Variants in CDH23 observed in about 807,000 individuals in gnomAD.
CDH23 encodes the protein cadherin-23.
A neutral mutation model predicts 317.1 loss-of-function variants in CDH23; 189 were observed. That is an observed-to-expected ratio of 0.60 (90% CI 0.53 to 0.67). The LOEUF (loss-of-function observed/expected upper bound fraction) is 0.67, where lower values mean the gene tolerates loss of function less well. Among genes scored for constraint, CDH23 ranks in the 30% least tolerant of loss-of-function variants. CDH23 has a pLI of 0.00. For missense variants in CDH23, 4,401 were observed against 4,592.4 expected (o/e 0.96, Z 1.20); for synonymous variants, 1,839 against 1,876.8 (o/e 0.98, Z 0.52).
At chr10:71,732,488 C>A in intron 32 of CDH23, 113 bp downstream of exon 32, 1 of 1,454,048 alleles carries the variant, frequency 6.9e-7, no homozygotes, top group Non-Finnish European at 9.3e-7. Context: ...TTGAGATGGC[C>A]AAGTGTGGTG....
At chr10:71,761,401 C>G (rs918109854) in intron 38 of CDH23, among the ~76,000 whole-genome samples, 1 of 152,178 alleles carries the variant, frequency 6.6e-6, no homozygotes, top group African/African-American at 2.4e-5. Context: ...GTACACCCTC[C>G]CTCTCCATCA....
chr10:71,730,975 G>A (rs965384384), intron 31 of CDH23, among the ~76,000 whole-genome samples: 3 of 152,344 alleles, frequency 2.0e-5, no homozygotes, highest in South Asian at 4.1e-4. Flanking sequence ...TGCTCCTCCA[G>A]CCCCTCCACG....
intron 46 of CDH23, chr10:71,790,825 G>A (rs1841231710): frequency 4.0e-6 from 2 of 496,816 alleles, no homozygotes; most frequent in Admixed American, 3.3e-5. Context: ...GTGCCGACAG[G>A]AAAGCACATC....
chr10:71,426,012 C>T (rs1050896660), intron 1 of CDH23, among the ~76,000 whole-genome samples: 4 of 152,110 alleles, frequency 2.6e-5, no homozygotes, highest in African/African-American at 7.2e-5. Flanking sequence ...ACTTGTGAAC[C>T]TTTCTATTGA....
At chr10:71,664,079 A>C (rs550292609) in intron 14 of CDH23, among the ~76,000 whole-genome samples, 2 of 151,872 alleles carry the variant, frequency 1.3e-5, no homozygotes, top group African/African-American at 4.8e-5. Flanking sequence ...GCACTCAGCA[A>C]GGGAATGACC....
chr10:71,423,284 G>C lies in CDH23; in HGVS notation c.-5-16543G>C, dbSNP rs529691054. 8.1e-4 allele frequency among the ~76,000 whole-genome samples: 124 copies of C among 152,340 alleles called. 1 individual carries two copies. Among genetic ancestry groups the C allele is most frequent in the African/African-American group, 2.8e-3 (118 of 41,566 alleles). The stretch of plus-strand genomic sequence containing the variant: ...CAGCCTAGCTGGTAAAATCAGAGGA[G>C]ACTCCAAAGGAGGTGATGGCCAAGC... On this transcript the variant is annotated intron_variant, in intron 1 of 69. Transcript: ENST00000224721.
intron 9 of CDH23, among the ~76,000 whole-genome samples, chr10:71,605,418 A>T (rs565903258): frequency 3.3e-5 from 5 of 152,220 alleles, no homozygotes; most frequent in African/African-American, 1.2e-4. Flanking sequence ...TGCTACCAGC[A>T]TCTAGTGGGT....
chr10:71,550,559 CA>C lies in CDH23; in HGVS notation c.430-16165del, dbSNP rs1222399834. 9.0e-3 allele frequency among the ~76,000 whole-genome samples: 411 copies of C among 45,748 alleles called. 7 individuals are homozygous for C. The highest frequency in any genetic ancestry group is 0.03 in the African/African-American group (331 of 10,858). The allele number at this position is 45,748 out of a possible 152,430, so 30.0% of individuals were successfully genotyped here. On this transcript the variant is annotated intron_variant, in intron 6 of 69. Coordinates refer to ENST00000224721, the MANE Select transcript of CDH23 (RefSeq NM_022124.6). ...TGGGCAACAGAGTGAGACCCTGTCT[CA>C]AAAAAAAAAAAAAAAAAGAAAAAAG...
chr10:71,570,680 G>C, intron 7 of CDH23, 110 bp from the exon 8 acceptor site: 1 of 1,280,582 alleles, frequency 7.8e-7, no homozygotes, highest in Non-Finnish European at 1.1e-6. Flanking sequence ...GTGTGCATGT[G>C]TTTGCACTTA....
intron 3 of CDH23, among the ~76,000 whole-genome samples, chr10:71,481,289 C>G (rs1028959979): frequency 6.6e-6 from 1 of 152,242 alleles, no homozygotes; most frequent in Middle Eastern, 3.4e-3. Context: ...CCAGAGGGTG[C>G]AGAGCAGCCA....
chr10:71,766,458 C>T (rs1484473364), intron 38 of CDH23, among the ~76,000 whole-genome samples: 1 of 152,154 alleles, frequency 6.6e-6, no homozygotes, highest in East Asian at 1.9e-4. Flanking sequence ...GTAAAACTCT[C>T]GCTTGGATTG....
At position 71,508,823 on chromosome 10, in the gene CDH23, T is replaced by TA. The variant is rs369304163; in HGVS notation, c.146-1258dup. Among the ~76,000 whole-genome samples, 526 of 152,348 alleles carry TA rather than the reference T, an allele frequency of 3.5e-3. 2 individuals are homozygous for TA. The highest frequency in any genetic ancestry group is 0.012 in the African/African-American group (514 of 41,590). On this transcript the variant is annotated intron_variant, in intron 3 of 69. Coordinates refer to ENST00000224721, the MANE Select transcript of CDH23 (RefSeq NM_022124.6). The stretch of plus-strand genomic sequence containing the variant: ...TTCGGAAAATGACGCGCTGTACACT[T>TA]ATCACATTTTGTATACAGTTCTAGT...
At chr10:71,598,142 GC>G (rs1470405238) in intron 9 of CDH23, among the ~76,000 whole-genome samples, 1 of 152,224 alleles carries the variant, frequency 6.6e-6, no homozygotes, top group Non-Finnish European at 1.5e-5. Context: ...TCCGACGGGA[GC>G]CTGTAGGCTG....
intron 1 of CDH23, among the ~76,000 whole-genome samples, chr10:71,434,849 G>A (rs929373097): frequency 1.3e-5 from 2 of 152,164 alleles, no homozygotes; most frequent in Admixed American, 6.5e-5. Context: ...GGAGCAATGC[G>A]TGTGAGATGC....
intron 6 of CDH23, among the ~76,000 whole-genome samples, chr10:71,516,348 C>T (rs1467853057): frequency 6.6e-6 from 1 of 152,084 alleles, no homozygotes; most frequent in Non-Finnish European, 1.5e-5. Flanking sequence ...GGTGGAGGGT[C>T]CTTGCCTGAG....
At chr10:71,416,733 T>A (rs1169753319) in intron 1 of CDH23, among the ~76,000 whole-genome samples, 1 of 152,076 alleles carries the variant, frequency 6.6e-6, no homozygotes, top group Non-Finnish European at 1.5e-5. Flanking sequence ...AGTGGTGTGA[T>A]CATAGGTCAC....
chr10:71,467,532 T>C (rs1475084164), intron 3 of CDH23, among the ~76,000 whole-genome samples: 2 of 151,884 alleles, frequency 1.3e-5, no homozygotes, highest in Admixed American at 6.6e-5. Flanking sequence ...GCCTGTGAGG[T>C]TGGGTGGGAG....
intron 1 of CDH23, among the ~76,000 whole-genome samples, chr10:71,405,820 T>A (rs980696495): frequency 3.3e-5 from 5 of 152,130 alleles, no homozygotes; most frequent in African/African-American, 9.7e-5. Flanking sequence ...GTCTGTGCTT[T>A]AAGATCTCAC....
At chr10:71,652,374 T>C (rs12411944) in intron 14 of CDH23, among the ~76,000 whole-genome samples, 2,836 of 152,344 alleles carry the variant, frequency 0.019, 186 homozygotes, top group East Asian at 0.17. Context: ...TTTTTTCCTA[T>C]GAAATGGGAA....
Sources: gnomAD v4.1 joint callset for allele counts (sites outside exome capture counted in the v4.1 genomes callset) on GRCh38, gnomAD v4.1.1 for gene constraint, MANE v1.5 for transcripts, NCBI Gene and HGNC (gene_info 2026-07-23, HGNC 2026-07-21) for gene names.